Variants in CACNA2D3 observed in about 807,000 individuals in gnomAD.
The protein encoded by CACNA2D3 is calcium voltage-gated channel auxiliary subunit alpha2delta 3, also known as voltage-dependent calcium channel subunit alpha-2/delta-3.
A neutral mutation model predicts 160.6 loss-of-function variants in CACNA2D3; 60 were observed. The ratio of observed to expected loss-of-function variants is 0.37; its 90% CI spans 0.30 to 0.46. The LOEUF (loss-of-function observed/expected upper bound fraction) is 0.46, where lower values mean the gene tolerates loss of function less well. CACNA2D3 is among the 20% of genes least tolerant of loss of function. The pLI is 1.00. For missense variants in CACNA2D3, 1,205 were observed against 1,365.0 expected (o/e 0.88, Z 1.85); for synonymous variants, 558 against 492.9 (o/e 1.13, Z -1.75).
chr3:54,793,965 A>G (rs966893053), intron 13 of CACNA2D3, among the ~76,000 whole-genome samples: 1 of 152,112 alleles, frequency 6.6e-6, no homozygotes, highest in African/African-American at 2.4e-5. Flanking sequence ...TTGTGTTACA[A>G]GGAGTTTGTT....
chr3:54,341,341 C>T lies in CACNA2D3; in HGVS notation c.321+20783C>T, dbSNP rs1190636969. ...AGTAGAGCCTCCCGGGGTAGATCCT[C>T]TGAGCCAGTTGCTAGGTTCCAAGCT... is the stretch of plus-strand genomic sequence containing the variant. On this transcript the variant is annotated intron_variant, in intron 3 of 37. Coordinates refer to ENST00000474759, the MANE Select transcript of CACNA2D3 (RefSeq NM_018398.3). Among the ~76,000 whole-genome samples the T allele has an allele frequency of 5.3e-5, 8 of 152,338 alleles. No homozygotes were observed. The East Asian group carries it at 1.3e-3, about 26-fold the overall frequency.
chr3:55,029,269 A>T (rs75236914), intron 35 of CACNA2D3, among the ~76,000 whole-genome samples: 38 of 152,318 alleles, frequency 2.5e-4, no homozygotes, highest in African/African-American at 8.7e-4. Context: ...ACTAGTGCAA[A>T]GATCTTAACA....
chr3:54,977,506 T>C (rs1702416646), intron 29 of CACNA2D3, among the ~76,000 whole-genome samples: 1 of 152,196 alleles, frequency 6.6e-6, no homozygotes. Context: ...ACCAAAGATG[T>C]AGGTCTAATA....
rs549815783 is a variant in CACNA2D3 at position 54,570,028 on chromosome 3, G to A, written c.812G>A (p.Arg271His). 8 of 1,613,988 alleles carry A rather than the reference G, an allele frequency of 5.0e-6. No individual in the cohort carries two copies. Among genetic ancestry groups the A allele is most frequent in the African/African-American group, 2.7e-5 (2 of 75,054 alleles). ...GTCAGTGGCAGCATGAAAGGACTCC[G>A]TCTGACTATCGCGAAGCAAACAGTC... The part of the protein sequence containing the change: ...VDVSGSMKGL[R>H]LTIAKQTVSS... Residue 271 changes from arginine to histidine, a missense_variant, in exon 8 of 38, where the codon CGT becomes CAT. Coordinates refer to ENST00000474759, the MANE Select transcript of CACNA2D3 (RefSeq NM_018398.3).
At chr3:54,800,986 C>CT (rs541320556) in intron 13 of CACNA2D3, among the ~76,000 whole-genome samples, 2,111 of 140,696 alleles carry the variant, frequency 0.015, 18 homozygotes, top group African/African-American at 0.023. Context: ...ACTGGAATAT[C>CT]TTTTTTTTTT....
chr3:54,271,966 C>T (rs533091533), intron 2 of CACNA2D3, among the ~76,000 whole-genome samples: 3 of 152,188 alleles, frequency 2.0e-5, no homozygotes, highest in African/African-American at 4.8e-5. Flanking sequence ...TTCAGGGAGT[C>T]GTTTATCTAG....
chr3:54,275,142 GTGTATCT>G (rs1486560201), intron 2 of CACNA2D3, among the ~76,000 whole-genome samples: 1 of 152,168 alleles, frequency 6.6e-6, no homozygotes, highest in Non-Finnish European at 1.5e-5. Context: ...TAATGAGATC[GTGTATCT>G]TGTGCCTGAT....
chr3:54,220,852 A>G (rs1279715420), intron 2 of CACNA2D3, among the ~76,000 whole-genome samples: 1 of 152,124 alleles, frequency 6.6e-6, no homozygotes, highest in East Asian at 1.9e-4. Flanking sequence ...GGCCCAGAGT[A>G]GGTTCTTAGG....
Position 54,526,024 on chromosome 3 carries a change from G to GT in CACNA2D3, c.544+22378dup, listed in dbSNP as rs56257807. 9.1e-3 allele frequency among the ~76,000 whole-genome samples: 1,372 copies of GT among 150,742 alleles called. 26 individuals carry two copies. Among genetic ancestry groups the GT allele is most frequent in the African/African-American group, 0.031 (1,291 of 41,070 alleles). On this transcript the variant is annotated intron_variant, in intron 5 of 37. Transcript: ENST00000474759. ...CATCTGAGCTCTGTTCATTTTTTCT[G>GT]TTTTTTTTAATTGCATAATCTCTAT...
chr3:54,485,498 T>C (rs1342872595), intron 4 of CACNA2D3, among the ~76,000 whole-genome samples: 1 of 152,176 alleles, frequency 6.6e-6, no homozygotes, highest in Non-Finnish European at 1.5e-5. Flanking sequence ...TTTACACTGA[T>C]GATTTTATAT....
intron 27 of CACNA2D3, among the ~76,000 whole-genome samples, chr3:54,933,281 TAACA>T (rs1211091777): frequency 2.6e-5 from 4 of 152,238 alleles, no homozygotes; most frequent in African/African-American, 9.6e-5. Flanking sequence ...TATGCTATTT[TAACA>T]AACAACACCC....
intron 14 of CACNA2D3, among the ~76,000 whole-genome samples, chr3:54,830,179 A>G (rs1006650363): frequency 5.9e-5 from 9 of 151,970 alleles, no homozygotes; most frequent in African/African-American, 2.2e-4. Flanking sequence ...TCCTGACCTC[A>G]TGATCCACCT....
At chr3:54,836,794 G>C (rs1698700799) in intron 14 of CACNA2D3, among the ~76,000 whole-genome samples, 2 of 152,090 alleles carry the variant, frequency 1.3e-5, no homozygotes, top group Non-Finnish European at 2.9e-5. Context: ...TTAGATTACG[G>C]AGAAGCACTC....
At chr3:54,531,203 C>A (rs1701801208) in intron 5 of CACNA2D3, among the ~76,000 whole-genome samples, 1 of 152,194 alleles carries the variant, frequency 6.6e-6, no homozygotes, top group Non-Finnish European at 1.5e-5. Context: ...TTCTGCATTT[C>A]CTGCTTACAG....
chr3:54,553,345 A>G (rs1208006956), intron 5 of CACNA2D3, among the ~76,000 whole-genome samples: 1 of 152,250 alleles, frequency 6.6e-6, no homozygotes. Context: ...CATGAAAACT[A>G]TCCAACCATT....
intron 2 of CACNA2D3, among the ~76,000 whole-genome samples, chr3:54,275,211 C>A (rs1007881516): frequency 3.9e-5 from 6 of 152,168 alleles, no homozygotes; most frequent in African/African-American, 1.4e-4. Flanking sequence ...TCATAGCAGG[C>A]GCCCTCTTCT....
chr3:54,741,136 A>T (rs1006916763), intron 11 of CACNA2D3, among the ~76,000 whole-genome samples: 5 of 152,014 alleles, frequency 3.3e-5, no homozygotes, highest in Non-Finnish European at 5.9e-5. Flanking sequence ...AGACAAACTC[A>T]TGGTGGGGGT....
intron 32 of CACNA2D3, among the ~76,000 whole-genome samples, chr3:55,006,772 C>A (rs1448503960): frequency 2.6e-5 from 4 of 152,184 alleles, no homozygotes; most frequent in Admixed American, 6.5e-5. Context: ...TGATTGGGGG[C>A]ATGTAAATTT....
chr3:54,258,104 C>T (rs745622272), intron 2 of CACNA2D3, among the ~76,000 whole-genome samples: 22 of 152,196 alleles, frequency 1.4e-4, no homozygotes, highest in Admixed American at 1.0e-3. Context: ...TTCACGGCCT[C>T]AGGGGCTTTC....
Sources: gnomAD v4.1 joint callset for allele counts (sites outside exome capture counted in the v4.1 genomes callset) on GRCh38, gnomAD v4.1.1 for gene constraint, MANE v1.5 for transcripts, NCBI Gene and HGNC (gene_info 2026-07-23, HGNC 2026-07-21) for gene names.